GALNT13: variants seen among roughly 807,000 people sequenced by gnomAD.
GALNT13 encodes polypeptide N-acetylgalactosaminyltransferase 13, also known as UDP-GalNAc:polypeptide N-acetylgalactosaminyltransferase 13.
Under a neutral mutation model 64.2 loss-of-function variants are expected in GALNT13, and 28 were observed. The ratio of observed to expected loss-of-function variants is 0.44; its 90% CI spans 0.32 to 0.60. The LOEUF is 0.60. Ranked by LOEUF, GALNT13 falls within the 20% of genes least tolerant of loss-of-function variation. The pLI is 0.05. For missense variants in GALNT13, 577 were observed against 669.8 expected (o/e 0.86, Z 1.53); for synonymous variants, 214 against 224.6 (o/e 0.95, Z 0.42).
intron 4 of GALNT13, among the ~76,000 whole-genome samples, chr2:154,141,322 T>G (rs1364818643): frequency 6.6e-6 from 1 of 152,182 alleles, no homozygotes. Context: ...ACTGTGATAT[T>G]TTTACTTCAT....
intron 3 of GALNT13, among the ~76,000 whole-genome samples, chr2:154,050,544 CT>C (rs960507404): frequency 6.6e-5 from 10 of 151,510 alleles, no homozygotes; most frequent in African/African-American, 1.2e-4. Flanking sequence ...CCACTCTTCA[CT>C]TTTTTTTTCT....
chr2:153,181,030 C>CT, the GALNT13 span, among the ~76,000 whole-genome samples: 62 of 32,074 alleles, frequency 1.9e-3, 4 homozygotes, highest in South Asian at 7.3e-3. Flanking sequence ...TTTATTGTTT[C>CT]TTTTTTTTTT....
At chr2:153,425,936 C>A in the GALNT13 span, among the ~76,000 whole-genome samples, 1 of 151,754 alleles carries the variant, frequency 6.6e-6, no homozygotes, top group Admixed American at 6.6e-5. Context: ...TCCAATTTGT[C>A]ATGGTGTTAC....
At chr2:153,961,554 A>G (rs979963918) in intron 3 of GALNT13, among the ~76,000 whole-genome samples, 7 of 152,226 alleles carry the variant, frequency 4.6e-5, no homozygotes, top group Admixed American at 2.0e-4. Flanking sequence ...TTAGACATGT[A>G]TATACAACAC....
chr2:153,254,716 T>C, the GALNT13 span, among the ~76,000 whole-genome samples: 1 of 152,296 alleles, frequency 6.6e-6, no homozygotes, highest in South Asian at 2.1e-4. Flanking sequence ...CTGCCTTCAT[T>C]TCGTTATGTA....
At chr2:153,236,619 T>C in the GALNT13 span, among the ~76,000 whole-genome samples, 2 of 152,046 alleles carry the variant, frequency 1.3e-5, no homozygotes, top group African/African-American at 2.4e-5. Flanking sequence ...TACAGTATGG[T>C]TTGCTGAATA....
intron 3 of GALNT13, among the ~76,000 whole-genome samples, chr2:154,051,279 C>CTTTTT (rs34890901): frequency 1.8e-3 from 189 of 102,286 alleles, no homozygotes; most frequent in East Asian, 4.1e-3. Context: ...CTTACTCCTT[C>CTTTTT]TTTTTTTTTT....
At chr2:153,254,924 A>G in the GALNT13 span, among the ~76,000 whole-genome samples, 10 of 152,084 alleles carry the variant, frequency 6.6e-5, no homozygotes, top group East Asian at 1.9e-4. Context: ...GTGGTGTGGT[A>G]CTGAAAAAAA....
At chr2:153,633,933 C>T in the GALNT13 span, among the ~76,000 whole-genome samples, 5,605 of 152,034 alleles carry the variant, frequency 0.037, 132 homozygotes, top group Middle Eastern at 0.068. Context: ...TAATAATTTC[C>T]GATGTCTGAC....
intron 3 of GALNT13, among the ~76,000 whole-genome samples, chr2:154,085,915 TA>T (rs34257170): frequency 0.24 from 35,813 of 151,492 alleles, 4,589 homozygotes; most frequent in Non-Finnish European, 0.28. Flanking sequence ...AAAATTAAAA[TA>T]AAAAATAAAC....
At chr2:154,448,952 A>T (rs1191104827) in intron 12 of GALNT13, among the ~76,000 whole-genome samples, 1 of 152,058 alleles carries the variant, frequency 6.6e-6, no homozygotes, top group East Asian at 1.9e-4. Context: ...GACCACAGGT[A>T]CGTAACAAAA....
chr2:153,778,165 T>C, the GALNT13 span, among the ~76,000 whole-genome samples: 1 of 152,092 alleles, frequency 6.6e-6, no homozygotes, highest in Non-Finnish European at 1.5e-5. Context: ...TCTATGCCGG[T>C]GTGTTCCTCT....
At chr2:153,774,212 A>G in the GALNT13 span, among the ~76,000 whole-genome samples, 2 of 152,110 alleles carry the variant, frequency 1.3e-5, no homozygotes, top group Admixed American at 6.5e-5. Context: ...GTAATACATC[A>G]TAAATACTAA....
the GALNT13 span, among the ~76,000 whole-genome samples, chr2:153,241,380 A>C: frequency 2.6e-5 from 4 of 152,184 alleles, no homozygotes; most frequent in African/African-American, 9.7e-5. Context: ...TGTTATGTGC[A>C]TTTTGCTTTG....
chr2:153,761,969 G>T, the GALNT13 span: 384 of 183,270 alleles, frequency 2.1e-3, 6 homozygotes, highest in South Asian at 0.026. Context: ...CTTTCACCAT[G>T]AAATGTTATC....
At chr2:153,853,038 G>C in the GALNT13 span, among the ~76,000 whole-genome samples, 1 of 152,120 alleles carries the variant, frequency 6.6e-6, no homozygotes, top group African/African-American at 2.4e-5. Context: ...TCAGTCTATG[G>C]CTGAAGGCTT....
intron 8 of GALNT13, among the ~76,000 whole-genome samples, chr2:154,296,240 T>C (rs963980644): frequency 6.6e-6 from 1 of 152,212 alleles, no homozygotes; most frequent in Non-Finnish European, 1.5e-5. Flanking sequence ...TGGAACAACC[T>C]GTAAAATAAA....
chr2:154,408,248 A>T (rs923659636), intron 10 of GALNT13, among the ~76,000 whole-genome samples: 1 of 152,096 alleles, frequency 6.6e-6, no homozygotes, highest in Non-Finnish European at 1.5e-5. Context: ...TTGTAATTAC[A>T]TTTGGCACAA....
the GALNT13 span, among the ~76,000 whole-genome samples, chr2:153,795,792 T>G: frequency 6.6e-6 from 1 of 152,218 alleles, no homozygotes; most frequent in African/African-American, 2.4e-5. Context: ...ACCCTCAATT[T>G]GATAAGCTTC....
Sources: allele counts gnomAD v4.1 joint callset (sites outside exome capture counted in the v4.1 genomes callset), GRCh38; gene constraint gnomAD v4.1.1; transcripts MANE v1.5; gene names NCBI Gene and HGNC (gene_info 2026-07-23, HGNC 2026-07-21).